Variants in CYP2J2 observed in about 807,000 individuals in gnomAD.
CYP2J2 encodes the protein cytochrome P450 family 2 subfamily J member 2.
In CYP2J2, 41 loss-of-function variants were observed where a neutral mutation model predicts 48.8. The observed-to-expected ratio is 0.84, with a 90% confidence interval of 0.66 to 1.09. The LOEUF (loss-of-function observed/expected upper bound fraction) is 1.09, where lower values mean the gene tolerates loss of function less well. CYP2J2 is among the 50% of genes least tolerant of loss of function. CYP2J2 has a pLI of 0.00. For synonymous variants in CYP2J2, 221 were observed against 227.1 expected (o/e 0.97, Z 0.24); for missense variants, 644 against 617.3 (o/e 1.04, Z -0.46).
the CYP2J2 span, among the ~76,000 whole-genome samples, chr1:59,959,713 A>G: frequency 2.0e-5 from 3 of 152,094 alleles, no homozygotes; most frequent in Non-Finnish European, 4.4e-5. Flanking sequence ...CTACTACTCA[A>G]CCATAAAAAG....
chr1:59,906,379 A>G (rs753911943), intron 6 of CYP2J2, among the ~76,000 whole-genome samples: 6 of 152,032 alleles, frequency 3.9e-5, no homozygotes, highest in Non-Finnish European at 8.8e-5. Context: ...CAAGGGCATC[A>G]TTCTAATCAC....
At chr1:59,943,699 A>G in the CYP2J2 span, among the ~76,000 whole-genome samples, 1 of 152,132 alleles carries the variant, frequency 6.6e-6, no homozygotes, top group Non-Finnish European at 1.5e-5. Flanking sequence ...TCCCCCCACA[A>G]AGGGTTGTAG....
chr1:59,918,794 A>G (rs1644488361), intron 1 of CYP2J2, among the ~76,000 whole-genome samples: 2 of 152,222 alleles, frequency 1.3e-5, no homozygotes, highest in South Asian at 4.1e-4. Flanking sequence ...AACAGAATCT[A>G]TAAAAGTCAA....
the CYP2J2 span, among the ~76,000 whole-genome samples, chr1:59,956,342 A>G: frequency 3.9e-5 from 6 of 152,164 alleles, no homozygotes; most frequent in South Asian, 1.2e-3. Context: ...TGTGTGTTGG[A>G]TGTTCCATCA....
chr1:59,940,773 G>A, the CYP2J2 span, among the ~76,000 whole-genome samples: 1 of 152,258 alleles, frequency 6.6e-6, no homozygotes, highest in Non-Finnish European at 1.5e-5. Flanking sequence ...TAAAGAAAAT[G>A]TAGTATATAT....
intron 6 of CYP2J2, 44 bp downstream of exon 6, chr1:59,907,742 G>A (rs1384760320): frequency 1.2e-6 from 2 of 1,606,982 alleles, no homozygotes; most frequent in Non-Finnish European, 1.7e-6. Context: ...ATCCCAGGAG[G>A]CACTATTCTG....
chr1:59,960,007 A>G, the CYP2J2 span, among the ~76,000 whole-genome samples: 1 of 152,158 alleles, frequency 6.6e-6, no homozygotes, highest in Non-Finnish European at 1.5e-5. Flanking sequence ...GAACTTATCC[A>G]TGTAGCCAAA....
upstream of CYP2J2, among the ~76,000 whole-genome samples, chr1:59,930,063 G>A (rs544943485): frequency 7.8e-4 from 119 of 152,202 alleles, no homozygotes; most frequent in Non-Finnish European, 1.4e-3. Flanking sequence ...AAAGATTAAC[G>A]GCCGACTTGT....
chr1:59,911,797 C>G, intron 3 of CYP2J2, 29 bp from the exon 4 acceptor site: 1 of 1,600,578 alleles, frequency 6.2e-7, no homozygotes, highest in Non-Finnish European at 8.5e-7. Flanking sequence ...CAAGATGGAT[C>G]CTTCTGATGG....
the CYP2J2 span, among the ~76,000 whole-genome samples, chr1:59,934,989 G>GATAT: frequency 1.8e-3 from 105 of 58,372 alleles, 4 homozygotes; most frequent in East Asian, 0.017. Flanking sequence ...AAGAAAATGG[G>GATAT]ATATATATAT....
intron 8 of CYP2J2, among the ~76,000 whole-genome samples, chr1:59,895,540 A>G (rs1037153469): frequency 6.6e-6 from 1 of 152,166 alleles, no homozygotes; most frequent in Non-Finnish European, 1.5e-5. Flanking sequence ...TTTCTCTGTA[A>G]CTAATAAGTA....
the CYP2J2 span, among the ~76,000 whole-genome samples, chr1:59,955,534 T>C: frequency 6.6e-6 from 1 of 152,158 alleles, no homozygotes; most frequent in Non-Finnish European, 1.5e-5. Context: ...TGCCCACTGA[T>C]TGCTTTTTAC....
chr1:59,938,897 T>C, the CYP2J2 span, among the ~76,000 whole-genome samples: 1 of 152,258 alleles, frequency 6.6e-6, no homozygotes, highest in African/African-American at 2.4e-5. Flanking sequence ...GACTAGAGAA[T>C]GGCGATGACT....
At chr1:59,934,310 A>G in the CYP2J2 span, among the ~76,000 whole-genome samples, 40 of 152,314 alleles carry the variant, frequency 2.6e-4, no homozygotes, top group African/African-American at 9.4e-4. Context: ...GAAAGACTTC[A>G]TAACAGTGGT....
chr1:59,917,980 C>T (rs747566046), intron 1 of CYP2J2, among the ~76,000 whole-genome samples: 12 of 152,210 alleles, frequency 7.9e-5, no homozygotes, highest in African/African-American at 2.2e-4. Context: ...TATCCCACCA[C>T]CTTGCTCCCA....
the CYP2J2 span, among the ~76,000 whole-genome samples, chr1:59,964,806 A>T: frequency 6.6e-6 from 1 of 152,336 alleles, no homozygotes; most frequent in Middle Eastern, 3.4e-3. Context: ...TGGGAAACCA[A>T]TGGAGAGTTT....
intron 1 of CYP2J2, among the ~76,000 whole-genome samples, chr1:59,916,546 C>G (rs963744394): frequency 1.6e-4 from 24 of 152,068 alleles, no homozygotes; most frequent in African/African-American, 5.6e-4. Context: ...CCAGTCTGGG[C>G]AACATAGTGA....
the CYP2J2 span, among the ~76,000 whole-genome samples, chr1:59,940,113 AT>A: frequency 2.0e-5 from 3 of 151,962 alleles, no homozygotes; most frequent in African/African-American, 7.3e-5. Flanking sequence ...AGTGCCCTTT[AT>A]TTTTCCCTCA....
the CYP2J2 span, among the ~76,000 whole-genome samples, chr1:59,969,016 T>C: frequency 6.6e-6 from 1 of 152,102 alleles, no homozygotes; most frequent in Non-Finnish European, 1.5e-5. Context: ...TAACAGCTCT[T>C]AAGGCAGTGC....
Sources: allele counts gnomAD v4.1 joint callset (sites outside exome capture counted in the v4.1 genomes callset), GRCh38; gene constraint gnomAD v4.1.1; transcripts MANE v1.5; gene names NCBI Gene and HGNC (gene_info 2026-07-23, HGNC 2026-07-21).